The following MACF1 variants were observed in gnomAD, a reference collection of about 807,000 sequenced individuals.
MACF1 encodes microtubule-actin cross-linking factor 1.
A neutral mutation model predicts 854.8 loss-of-function variants in MACF1; 193 were observed. The observed-to-expected ratio is 0.23, with a 90% CI of 0.20 to 0.25. The LOEUF (loss-of-function observed/expected upper bound fraction) is 0.25. MACF1 is among the 10% of genes least tolerant of loss of function. The probability of loss-of-function intolerance (pLI) is 1.00; values close to 1 mark genes in which losing one functional copy is unlikely to be tolerated. For synonymous variants in MACF1, 3,185 were observed against 3,226.7 expected, an observed-to-expected ratio of 0.99 and a Z score of 0.44; for missense variants, 7,722 against 8,929.1, an observed-to-expected ratio of 0.86 and a Z score of 5.45.
intron 35 of MACF1, among the ~76,000 whole-genome samples, chr1:39,325,542 A>G (rs1646594032): frequency 1.3e-5 from 2 of 152,248 alleles, no homozygotes; most frequent in African/African-American, 2.4e-5. Context: ...CTTAAAAGAT[A>G]CAATGGACTT....
chr1:39,476,308 T>C lies in MACF1; in HGVS notation c.21959-3490T>C, dbSNP rs948986257. Among the ~76,000 whole-genome samples the C allele has an allele frequency of 1.6e-4, 25 of 152,302 alleles. No individual in the cohort carries two copies. In the East Asian group the frequency reaches 1.9e-3, roughly 12 times the overall value. On this transcript the variant is annotated intron_variant, in intron 97 of 100. Coordinates refer to ENST00000564288, the MANE Select transcript of MACF1 (RefSeq NM_001394062.1). ...ATCCTAGGCTGGGCGCGGTGGCTCA[T>C]GCCTGTAATCCCAGCACTTTGGGAG...
chr1:39,157,310 G>C (rs1477906875), intron 2 of MACF1, among the ~76,000 whole-genome samples: 1 of 152,148 alleles, frequency 6.6e-6, no homozygotes, highest in Non-Finnish European at 1.5e-5. Context: ...TATTTAGCCT[G>C]ATCTTTTTAG....
chr1:39,116,403 T>C (rs1273311566), intron 2 of MACF1, among the ~76,000 whole-genome samples: 2 of 151,320 alleles, frequency 1.3e-5, no homozygotes, highest in Non-Finnish European at 3.0e-5. Context: ...TGTGTGTGTG[T>C]GCACGTGTGT....
chr1:39,290,909 A>T (rs2148397709), intron 15 of MACF1, among the ~76,000 whole-genome samples: 1 of 151,828 alleles, frequency 6.6e-6, no homozygotes, highest in South Asian at 2.1e-4. Flanking sequence ...TCCTGACCTC[A>T]GGTGATCCGC....
At chr1:39,423,783 A>AG (rs750084346) in intron 60 of MACF1, among the ~76,000 whole-genome samples, 6 of 152,048 alleles carry the variant, frequency 3.9e-5, no homozygotes, top group Non-Finnish European at 8.8e-5. Flanking sequence ...CTTGGTTCAA[A>AG]GGAAGTTCCC....
Position 39,332,372 on chromosome 1 carries a change from C to T in MACF1, c.5784C>T (p.His1928=), listed in dbSNP as rs374680119. ...KSICIPDVMP[H]MQLADSAEQN... ...TTTGTATACCTGATGTGATGCCCCA[C>T]ATGCAACTAGCAGACTCTGCAGAAC... Residue 1928 remains histidine (H), a synonymous_variant, in exon 37 of 101, where the codon CAC becomes CAT. Transcript: ENST00000564288. 3.1e-6 allele frequency: 5 copies of T among 1,614,008 alleles called. No individual in the cohort carries two copies. In the African/African-American group the frequency reaches 4.0e-5, roughly 13 times the overall value.
chr1:39,355,254 T>G (rs597311), intron 44 of MACF1, among the ~76,000 whole-genome samples: 61,546 of 152,018 alleles, frequency 0.4, 14,639 homozygotes, highest in African/African-American at 0.67. Context: ...GTCATAGGGC[T>G]CCTCTGACAC....
chr1:39,103,496 CAG>C (rs1642143412), intron 2 of MACF1: 1 of 155,114 alleles, frequency 6.4e-6, no homozygotes, highest in South Asian at 1.9e-4. Flanking sequence ...TCAAGATCCC[CAG>C]AGTTAGCATT....
chr1:39,310,134 G>A (rs1457840703), intron 24 of MACF1, 111 bp from the exon 25 acceptor site: 60 of 847,636 alleles, frequency 7.1e-5, no homozygotes, highest in South Asian at 5.7e-4. Context: ...ACATGTTTAC[G>A]ATTATGGTTT....
At chr1:39,279,270 C>T (rs897130745) in intron 6 of MACF1, among the ~76,000 whole-genome samples, 1 of 152,174 alleles carries the variant, frequency 6.6e-6, no homozygotes, top group Non-Finnish European at 1.5e-5. Context: ...TTCCTGGCTT[C>T]CCTTTTCTGT....
rs752565350 is a variant in MACF1, at chr1:39,368,266, A to G, written c.12890A>G (p.Gln4297Arg). 1.2e-6 allele frequency: 2 copies of G among 1,614,028 alleles called. No homozygotes were observed. Among genetic ancestry groups the G allele is most frequent in the Non-Finnish European group, 1.7e-6 (2 of 1,180,004 alleles). Reference sequence around the variant, plus strand: ...TTGTGCCAGCATCAGGACAGGGTACAGAATCTAAGAAAAGACTTCACAGAG... The same window carrying G: ...TTGTGCCAGCATCAGGACAGGGTACGGAATCTAAGAAAAGACTTCACAGAG... ...LDLCQHQDRVQNLRKDFTELQ... is the reference protein window; with the variant it reads ...LDLCQHQDRVRNLRKDFTELQ... Residue 4297 changes from glutamine to arginine, a missense_variant, in exon 50 of 101, where the codon CAG (glutamine) becomes CGG (arginine). Coordinates refer to ENST00000564288, the MANE Select transcript of MACF1 (RefSeq NM_001394062.1).
intron 2 of MACF1, among the ~76,000 whole-genome samples, chr1:39,161,386 C>T (rs1392278794): frequency 6.6e-6 from 1 of 152,030 alleles, no homozygotes; most frequent in African/African-American, 2.4e-5. Flanking sequence ...TATGATAGGA[C>T]TATGAGATAA....
At position 39,310,448 on chromosome 1, in the gene MACF1, G is replaced by A. The variant is rs1386749113; in HGVS notation, c.3100+20G>A. The A allele has an allele frequency of 6.2e-7, 1 of 1,606,468 alleles. No homozygotes were observed. The highest frequency in any genetic ancestry group is 1.1e-5 in the South Asian group (1 of 90,100). ...AGAATGGTGTGTGCACTGGGAAGAG[G>A]GAAAGAGAATAGTAGAATGAGAGCC... On this transcript the variant is annotated intron_variant, in intron 25 of 100. Coordinates refer to ENST00000564288, the MANE Select transcript of MACF1 (RefSeq NM_001394062.1).
Position 39,332,755 on chromosome 1 carries a change from A to G in MACF1, c.6167A>G (p.Asp2056Gly). 1 of 1,614,202 alleles carries G rather than the reference A, an allele frequency of 6.2e-7. No homozygotes were observed. The highest frequency in any genetic ancestry group is 8.5e-7 in the Non-Finnish European group (1 of 1,180,038). The part of the protein sequence containing the change: ...SQNKEYPDRE[D>G]CTTEKGKKTT... ...AACAAAGAATATCCCGATCGGGAAGATTGCACTACAGAAAAAGGCAAAAAG... is the reference window on the plus strand; with the variant it reads ...AACAAAGAATATCCCGATCGGGAAGGTTGCACTACAGAAAAAGGCAAAAAG... The change falls in exon 37 of 101, where the codon GAT becomes GGT. Residue 2056 changes from aspartate to glycine, a missense_variant. Physicochemically the swap from Asp to Gly is moderately conservative, Grantham distance 94 (BLOSUM62 -1). Coordinates refer to ENST00000564288, the MANE Select transcript of MACF1 (RefSeq NM_001394062.1).
At chr1:39,193,311 G>T (rs1331734255) in intron 2 of MACF1, among the ~76,000 whole-genome samples, 1 of 151,918 alleles carries the variant, frequency 6.6e-6, no homozygotes, top group Non-Finnish European at 1.5e-5. Context: ...CAAAATGCCA[G>T]AGAGAGAGAT....
intron 38 of MACF1, among the ~76,000 whole-genome samples, chr1:39,338,247 G>A (rs945314880): frequency 3.8e-5 from 2 of 52,266 alleles, no homozygotes; most frequent in Non-Finnish European, 1.1e-4. Context: ...TCAGGAAAAA[G>A]GTTTTTTGGG....
chr1:39,414,324 A>G (rs1643186870), intron 58 of MACF1: 1 of 1,613,884 alleles, frequency 6.2e-7, no homozygotes, highest in African/African-American at 1.3e-5. Context: ...CTATTTCAGA[A>G]GAAGGAACAC....
intron 27 of MACF1, 27 bp downstream of exon 27, chr1:39,315,718 A>G (rs1482803245): frequency 6.2e-7 from 1 of 1,607,188 alleles, no homozygotes. Context: ...TTTGGGTCCA[A>G]GAGCAATATT....
chr1:39,432,468 T>G, intron 66 of MACF1, 67 bp from the exon 67 acceptor site: 1 of 1,468,530 alleles, frequency 6.8e-7, no homozygotes. Context: ...CTTTGTTGAA[T>G]AAATTGCAGT....
Sources: allele counts gnomAD v4.1 joint callset (sites outside exome capture counted in the v4.1 genomes callset), GRCh38; gene constraint gnomAD v4.1.1; transcripts MANE v1.5; gene names NCBI Gene and HGNC (gene_info 2026-07-23, HGNC 2026-07-21).